CPLX2: variants seen among roughly 807,000 people sequenced by gnomAD.
CPLX2 encodes complexin-2.
A neutral mutation model predicts 16.3 loss-of-function variants in CPLX2; 5 were observed. That is an observed-to-expected ratio of 0.31 (90% confidence interval 0.16 to 0.64). The LOEUF (loss-of-function observed/expected upper bound fraction) is 0.64, where lower values mean the gene tolerates loss of function less well. Among genes scored for constraint, CPLX2 ranks in the 30% least tolerant of loss-of-function variants. CPLX2 has a pLI of 0.79. For synonymous variants in CPLX2, 89 were observed against 73.2 expected, an observed-to-expected ratio of 1.22 and a Z score of -1.10; for missense variants, 144 against 181.4, an observed-to-expected ratio of 0.79 and a Z score of 1.18.
intron 1 of CPLX2, among the ~76,000 whole-genome samples, chr5:175,808,301 G>C (rs1180635466): frequency 6.6e-6 from 1 of 152,122 alleles, no homozygotes; most frequent in African/African-American, 2.4e-5. Flanking sequence ...TAGCAAACTT[G>C]TCACGATGCT....
chr5:175,876,918 G>A (rs898273197), intron 1 of CPLX2, among the ~76,000 whole-genome samples: 8 of 152,178 alleles, frequency 5.3e-5, no homozygotes, highest in African/African-American at 1.9e-4. Flanking sequence ...AGAATTCGGG[G>A]TTAGGAGGGT....
At chr5:175,847,910 T>A (rs1759079689) in intron 2 of CPLX2, among the ~76,000 whole-genome samples, 1 of 152,248 alleles carries the variant, frequency 6.6e-6, no homozygotes, top group Non-Finnish European at 1.5e-5. Context: ...GCGAGTTTTA[T>A]GGCCTCTGAT....
intron 2 of CPLX2, among the ~76,000 whole-genome samples, chr5:175,814,604 G>A (rs1266980689): frequency 1.3e-5 from 2 of 152,196 alleles, no homozygotes; most frequent in African/African-American, 4.8e-5. Flanking sequence ...GAGGGGCTGG[G>A]TGTGAATTAG....
At position 175,880,040 on chromosome 5, in the gene CPLX2, A is replaced by G. The variant is rs1272413616; in HGVS notation, c.400A>G (p.Lys134Glu). Reference protein sequence around the residue: ...LPGPLQDMFKK With the variant: ...LPGPLQDMFKE Reference sequence around the variant, plus strand: ...CGGGCCGCTGCAGGACATGTTCAAGAAGTAACCAGGCCTCCTGCCCCAGCC... The same window carrying G: ...CGGGCCGCTGCAGGACATGTTCAAGGAGTAACCAGGCCTCCTGCCCCAGCC... The change falls in exon 4 of 4, where the codon AAG becomes GAG. Residue 134 changes from lysine to glutamate, a missense_variant. Coordinates refer to ENST00000393745, the MANE Select transcript of CPLX2 (RefSeq NM_001008220.2). The G allele has an allele frequency of 6.2e-7, 1 of 1,611,892 alleles. No homozygotes were observed. The highest frequency in any genetic ancestry group is 1.3e-5 in the African/African-American group (1 of 74,896).
At chr5:175,865,959 T>C (rs936429730) in intron 2 of CPLX2, among the ~76,000 whole-genome samples, 1 of 152,234 alleles carries the variant, frequency 6.6e-6, no homozygotes, top group Non-Finnish European at 1.5e-5. Context: ...TGATTCTAAA[T>C]GTGATTCTAA....
chr5:175,850,443 C>A (rs1294225502), intron 2 of CPLX2, among the ~76,000 whole-genome samples: 1 of 152,300 alleles, frequency 6.6e-6, no homozygotes, highest in East Asian at 1.9e-4. Context: ...CAGACTAGAG[C>A]CGCACTGGGA....
Position 175,859,749 on chromosome 5 carries a change from G to A in CPLX2, c.-88-18903G>A, listed in dbSNP as rs1193772842. Among the ~76,000 whole-genome samples the A allele has an allele frequency of 3.9e-5, 6 of 152,206 alleles. No individual in the cohort carries two copies. In the East Asian group the frequency reaches 7.7e-4, roughly 20 times the overall value. On this transcript the variant is annotated intron_variant, in intron 2 of 4. Transcript: ENST00000359546. ...GTGAATTCCCTCTCTTTCAGTCAACGTGACCATGGGGACCAGCTTGTAGTA... is the reference window on the plus strand; with the variant it reads ...GTGAATTCCCTCTCTTTCAGTCAACATGACCATGGGGACCAGCTTGTAGTA...
At chr5:175,807,518 T>A (rs1758230887) in intron 1 of CPLX2, among the ~76,000 whole-genome samples, 1 of 152,214 alleles carries the variant, frequency 6.6e-6, no homozygotes, top group Non-Finnish European at 1.5e-5. Flanking sequence ...CGCCTACCCT[T>A]TCTCCCTCCC....
rs573688944 is a variant in CPLX2, at chr5:175,823,129, A to AT, written c.-89+14066dup. Among the ~76,000 whole-genome samples the AT allele has an allele frequency of 1.3e-4, 20 of 152,154 alleles. No individual in the cohort carries two copies. In the East Asian group the frequency reaches 2.1e-3, roughly 16 times the overall value. ...CACCTTATGCTTCCCCTATTATCATATTTTTCGTGTTTATTATACTATTCT... is the reference window on the plus strand; with the variant it reads ...CACCTTATGCTTCCCCTATTATCATATTTTTTCGTGTTTATTATACTATTCT... On this transcript the variant is annotated intron_variant, in intron 2 of 4. Coordinates refer to the CPLX2 transcript ENST00000359546.
intron 2 of CPLX2, among the ~76,000 whole-genome samples, chr5:175,824,019 A>G (rs955282633): frequency 6.6e-6 from 1 of 152,042 alleles, no homozygotes; most frequent in African/African-American, 2.4e-5. Flanking sequence ...CCTTAAAGGG[A>G]CCGATCCTCC....
upstream of CPLX2, chr5:175,871,485 G>GAT (rs1759617070): frequency 2.7e-5 from 4 of 149,402 alleles, no homozygotes. Flanking sequence ...GAGAGAGAGA[G>GAT]ATTTGAATTT....
chr5:175,821,783 C>A (rs150718529), intron 2 of CPLX2, among the ~76,000 whole-genome samples: 1 of 152,156 alleles, frequency 6.6e-6, no homozygotes, highest in South Asian at 2.1e-4. Context: ...GAGCCCCTAC[C>A]GGGTGCAGGC....
Position 175,881,801 on chromosome 5 carries a change from C to T in CPLX2, c.*1756C>T, listed in dbSNP as rs971677009. The T allele has an allele frequency of 6.6e-6, 1 of 152,640 alleles. No individual in the cohort carries two copies. The highest frequency in any genetic ancestry group is 2.4e-5 in the African/African-American group (1 of 41,446). The allele number at this position is 152,640 out of a possible 1,614,324, so 9.5% of individuals were successfully genotyped here. On this transcript the variant is annotated 3_prime_UTR_variant, in exon 4 of 4. Transcript: ENST00000393745. ...GCGCCCCAGGAAGCCATGCTGGGCCCCCGCCAGGGCCTATCCCAAAAGCAG... is the reference window on the plus strand; with the variant it reads ...GCGCCCCAGGAAGCCATGCTGGGCCTCCGCCAGGGCCTATCCCAAAAGCAG...
At chr5:175,861,412 G>A (rs542732451) in intron 2 of CPLX2, among the ~76,000 whole-genome samples, 39 of 152,306 alleles carry the variant, frequency 2.6e-4, no homozygotes, top group African/African-American at 9.1e-4. Context: ...GTTGACAAAG[G>A]AAGCAGAAGT....
At chr5:175,860,879 A>C (rs1328925341) in intron 2 of CPLX2, among the ~76,000 whole-genome samples, 17 of 152,202 alleles carry the variant, frequency 1.1e-4, no homozygotes, top group African/African-American at 4.1e-4. Flanking sequence ...AGACAGGTCA[A>C]AAATGTATTA....
At chr5:175,852,926 C>A (rs1170709833) in intron 2 of CPLX2, among the ~76,000 whole-genome samples, 1 of 152,228 alleles carries the variant, frequency 6.6e-6, no homozygotes, top group African/African-American at 2.4e-5. Flanking sequence ...TCTTTCAACA[C>A]TCCAGTCATG....
intron 2 of CPLX2, among the ~76,000 whole-genome samples, chr5:175,840,968 G>A (rs12522118): frequency 0.057 from 8,738 of 152,292 alleles, 315 homozygotes; most frequent in Non-Finnish European, 0.08. Flanking sequence ...GGAAACCAGG[G>A]CCCAGGAAAG....
intron 2 of CPLX2, among the ~76,000 whole-genome samples, chr5:175,811,770 A>G (rs1758316818): frequency 6.6e-6 from 1 of 152,342 alleles, no homozygotes; most frequent in South Asian, 2.1e-4. Flanking sequence ...GACCAGGGCC[A>G]TAGTCAGCAC....
intron 2 of CPLX2, among the ~76,000 whole-genome samples, chr5:175,857,070 A>T (rs755988140): frequency 2.6e-5 from 4 of 152,192 alleles, no homozygotes; most frequent in African/African-American, 7.2e-5. Flanking sequence ...AATGGCCCCC[A>T]TCTCAGTCTG....
Sources: allele counts gnomAD v4.1 joint callset (sites outside exome capture counted in the v4.1 genomes callset), GRCh38; gene constraint gnomAD v4.1.1; transcripts MANE v1.5; gene names NCBI Gene and HGNC (gene_info 2026-07-23, HGNC 2026-07-21).